PHLDB2: variants seen among roughly 807,000 people sequenced by gnomAD.
PHLDB2 encodes pleckstrin homology like domain family B member 2, also known as pleckstrin homology-like domain family B member 2.
In PHLDB2, 71 loss-of-function variants were observed where a neutral mutation model predicts 123.6. The observed-to-expected ratio is 0.57, with a 90% CI of 0.47 to 0.70. PHLDB2 has a LOEUF of 0.70. PHLDB2 is among the 30% of genes least tolerant of loss of function. PHLDB2 has a pLI of 0.00. For missense variants in PHLDB2, 1,446 were observed against 1,519.5 expected (o/e 0.95, Z 0.80); for synonymous variants, 547 against 541.6 (o/e 1.01, Z -0.14).
intron 1 of PHLDB2, among the ~76,000 whole-genome samples, chr3:111,801,029 C>T (rs7623226): frequency 0.9 from 136,699 of 152,186 alleles, 62,116 homozygotes; most frequent in East Asian, 0.98. Context: ...TTAAATGTAA[C>T]ATTCTCATTT....
rs558862792 is a variant in PHLDB2 at position 111,919,238 on chromosome 3, T to C, written c.1863+23T>C. 591 of 1,610,282 alleles carry C rather than the reference T, an allele frequency of 3.7e-4. 2 individuals are homozygous for C. Among genetic ancestry groups the C allele is most frequent in the Non-Finnish European group, 1.8e-5 (21 of 1,176,994 alleles). ...GAGGTAAACTTTTTACCCTCTTCCC[T>C]TTTTTCTTTCTTTCCTTCAGCTTAA... On this transcript the variant is annotated intron_variant, in intron 4 of 17. Transcript: ENST00000431670.
At chr3:111,868,168 C>T (rs1247376416) in intron 1 of PHLDB2, among the ~76,000 whole-genome samples, 1 of 151,576 alleles carries the variant, frequency 6.6e-6, no homozygotes, top group African/African-American at 2.4e-5. Context: ...TACAGGCATG[C>T]ACCACCATGC....
upstream of PHLDB2, among the ~76,000 whole-genome samples, chr3:111,855,431 T>C (rs1219736413): frequency 1.3e-5 from 2 of 150,980 alleles, no homozygotes; most frequent in Non-Finnish European, 3.0e-5. Context: ...CTTTCTTTCT[T>C]TCTCTCTCTC....
chr3:111,801,376 G>C (rs1295117622), intron 1 of PHLDB2, among the ~76,000 whole-genome samples: 1 of 152,036 alleles, frequency 6.6e-6, no homozygotes, highest in Non-Finnish European at 1.5e-5. Context: ...CAAGAACTCA[G>C]GTCTCCTTTG....
intron 1 of PHLDB2, among the ~76,000 whole-genome samples, chr3:111,839,855 T>C (rs1475321517): frequency 6.6e-6 from 1 of 151,230 alleles, no homozygotes; most frequent in Admixed American, 6.6e-5. Context: ...AGATCAAGTG[T>C]AGAAAATATG....
Position 111,820,536 on chromosome 3 carries a change from T to C in PHLDB2, c.-48-25285T>C, listed in dbSNP as rs1436147289. Among the ~76,000 whole-genome samples the C allele has an allele frequency of 2.6e-5, 4 of 152,222 alleles. No individual in the cohort carries two copies. The East Asian group carries it at 7.7e-4, about 29-fold the overall frequency. On this transcript the variant is annotated intron_variant, in intron 1 of 17. Transcript: ENST00000393923. Reference sequence around the variant, plus strand: ...GATCCATTCTACACTATATTTACTGTGTCTCATATGTGTTGTGTCTCACAC... The same window carrying C: ...GATCCATTCTACACTATATTTACTGCGTCTCATATGTGTTGTGTCTCACAC...
At chr3:111,826,804 C>G (rs963442357) in intron 1 of PHLDB2, among the ~76,000 whole-genome samples, 2 of 152,222 alleles carry the variant, frequency 1.3e-5, no homozygotes, top group Admixed American at 6.5e-5. Context: ...CCAGAGCCGT[C>G]TGAGAGAAGG....
At chr3:111,851,312 A>C (rs933879824) in intron 2 of PHLDB2, among the ~76,000 whole-genome samples, 1 of 151,982 alleles carries the variant, frequency 6.6e-6, no homozygotes, top group African/African-American at 2.4e-5. Flanking sequence ...AGTAGCTCTG[A>C]GCCCCTGCAG....
Position 111,951,784 on chromosome 3 carries a change from G to T in PHLDB2, c.2632-788G>T, listed in dbSNP as rs138409992. Among the ~76,000 whole-genome samples the T allele has an allele frequency of 4.8e-4, 73 of 151,744 alleles. 1 individual carries two copies. The highest frequency in any genetic ancestry group is 8.1e-4 in the Non-Finnish European group (55 of 67,900). Reference sequence around the variant, plus strand: ...TTCTTTTTTTATTTTCATAGTTTTGGGGGGAACAGGTAGGGTTTGGTTACG... The same window carrying T: ...TTCTTTTTTTATTTTCATAGTTTTGTGGGGAACAGGTAGGGTTTGGTTACG... On this transcript the variant is annotated intron_variant, in intron 10 of 17. Coordinates refer to ENST00000431670, the MANE Select transcript of PHLDB2 (RefSeq NM_001134438.2).
chr3:111,917,444 AC>A (rs943010048), intron 3 of PHLDB2: 1 of 152,202 alleles, frequency 6.6e-6, no homozygotes, highest in Non-Finnish European at 1.5e-5. Context: ...TGTAATCTTG[AC>A]CCAACAGGAT....
chr3:111,799,767 A>T (rs1038750862), intron 1 of PHLDB2, among the ~76,000 whole-genome samples: 1 of 152,200 alleles, frequency 6.6e-6, no homozygotes, highest in Non-Finnish European at 1.5e-5. Context: ...AAACAATGTT[A>T]TGTATTCATC....
chr3:111,848,491 T>C (rs1394354807), intron 2 of PHLDB2, among the ~76,000 whole-genome samples: 1 of 152,172 alleles, frequency 6.6e-6, no homozygotes, highest in East Asian at 1.9e-4. Flanking sequence ...GTAAAAAGCA[T>C]AAGTGCTTTG....
chr3:111,737,290 C>T (rs144251002), intron 1 of PHLDB2, among the ~76,000 whole-genome samples: 29 of 152,310 alleles, frequency 1.9e-4, no homozygotes, highest in Middle Eastern at 3.4e-3. Flanking sequence ...CCATCCCATG[C>T]GACAGTCATG....
chr3:111,860,297 C>T (rs562696383), intron 1 of PHLDB2, among the ~76,000 whole-genome samples: 1 of 152,302 alleles, frequency 6.6e-6, no homozygotes, highest in Admixed American at 6.5e-5. Context: ...CACTTTCTTT[C>T]AAGAGTGAAC....
chr3:111,832,687 AAT>A (rs367657994), intron 1 of PHLDB2, among the ~76,000 whole-genome samples: 1,830 of 91,152 alleles, frequency 0.02, 110 homozygotes, highest in African/African-American at 0.087. Context: ...TTATACATAT[AAT>A]ATATATAATA....
chr3:111,905,308 G>A (rs914353110), intron 2 of PHLDB2, among the ~76,000 whole-genome samples: 1 of 152,074 alleles, frequency 6.6e-6, no homozygotes, highest in African/African-American at 2.4e-5. Flanking sequence ...GTTGGGGTCT[G>A]ATGTAATGTG....
intron 2 of PHLDB2, among the ~76,000 whole-genome samples, chr3:111,847,942 G>C (rs1039325240): frequency 2.0e-5 from 3 of 152,104 alleles, no homozygotes; most frequent in Admixed American, 2.0e-4. Context: ...ATCTAAGAGG[G>C]TGTCCTTTAC....
At chr3:111,876,169 G>GA (rs1467103052) in intron 1 of PHLDB2, among the ~76,000 whole-genome samples, 2 of 152,160 alleles carry the variant, frequency 1.3e-5, no homozygotes, top group Non-Finnish European at 2.9e-5. Flanking sequence ...ATCAGATTCA[G>GA]AATGTGTTTT....
At chr3:111,926,882 C>T (rs2068841114) in intron 5 of PHLDB2, among the ~76,000 whole-genome samples, 1 of 152,170 alleles carries the variant, frequency 6.6e-6, no homozygotes, top group Non-Finnish European at 1.5e-5. Flanking sequence ...CCAAATCTCA[C>T]TGGAAATGTC....
Sources: gnomAD v4.1 joint callset for allele counts (sites outside exome capture counted in the v4.1 genomes callset) on GRCh38, gnomAD v4.1.1 for gene constraint, MANE v1.5 for transcripts, NCBI Gene and HGNC (gene_info 2026-07-23, HGNC 2026-07-21) for gene names.